Variants in ME3 observed in about 807,000 individuals in gnomAD.
The protein encoded by ME3 is NADP-dependent malic enzyme, mitochondrial.
In ME3, 48 loss-of-function variants were observed where a neutral mutation model predicts 68.9. The ratio of observed to expected loss-of-function variants is 0.70; its 90% CI spans 0.55 to 0.89. ME3 has a LOEUF of 0.89. Among genes scored for constraint, ME3 ranks in the 40% least tolerant of loss-of-function variants. ME3 has a pLI of 0.00. For missense variants in ME3, 675 were observed against 797.4 expected (o/e 0.85, Z 1.85); for synonymous variants, 320 against 318.8 (o/e 1.00, Z -0.04).
chr11:86,653,259 C>T (rs1945597289), intron 2 of ME3, among the ~76,000 whole-genome samples: 1 of 152,212 alleles, frequency 6.6e-6, no homozygotes, highest in Admixed American at 6.5e-5. Context: ...TAGATATCTA[C>T]AGAACTCTCC....
chr11:86,576,549 C>A (rs1020605703), intron 2 of ME3, among the ~76,000 whole-genome samples: 1 of 152,210 alleles, frequency 6.6e-6, no homozygotes, highest in Admixed American at 6.5e-5. Context: ...AAGCTCAGGG[C>A]AGATCAGCTC....
At chr11:86,630,252 C>A (rs1943927935) in intron 2 of ME3, among the ~76,000 whole-genome samples, 1 of 152,098 alleles carries the variant, frequency 6.6e-6, no homozygotes, top group African/African-American at 2.4e-5. Context: ...AAAAAGCAAG[C>A]AGCAGAAGCA....
intron 2 of ME3, among the ~76,000 whole-genome samples, chr11:86,648,605 C>A (rs1008045590): frequency 6.6e-6 from 1 of 151,840 alleles, no homozygotes; most frequent in African/African-American, 2.4e-5. Context: ...TTCTCCTTTT[C>A]TTCTTTATTA....
chr11:86,631,470 G>A (rs1013113853), intron 2 of ME3, among the ~76,000 whole-genome samples: 2 of 152,086 alleles, frequency 1.3e-5, no homozygotes, highest in Non-Finnish European at 2.9e-5. Flanking sequence ...TAAGAAAACC[G>A]TGGGCAATGA....
At chr11:86,464,215 C>T (rs1950365745) in intron 8 of ME3, 1 of 347,032 alleles carries the variant, frequency 2.9e-6, no homozygotes, top group African/African-American at 2.2e-5. Context: ...TGACATGGAT[C>T]TTTGATTTTT....
Position 86,498,201 on chromosome 11 carries a change from A to G in ME3, c.544-77T>C, listed in dbSNP as rs371048026. On this transcript the variant is annotated intron_variant, in intron 5 of 14. Transcript: ENST00000543262. ...GTGCTCATTTTAGCAGCCCCAGCCC[A>G]TCAGGCTTGGCGACTGGATGCCCAC... is the stretch of plus-strand genomic sequence containing the variant. The G allele has an allele frequency of 3.7e-4, 563 of 1,503,144 alleles. 1 individual carries two copies. The African/African-American group carries it at 4.6e-3, about 12-fold the overall frequency. The allele number at this position is 1,503,144 out of a possible 1,614,324, so 93.1% of individuals were successfully genotyped here. A position where few individuals can be genotyped will look rare whatever the true frequency, so the allele number is the denominator to read the frequency against.
At chr11:86,476,466 T>A (rs1035806757) in intron 7 of ME3, among the ~76,000 whole-genome samples, 7 of 152,178 alleles carry the variant, frequency 4.6e-5, no homozygotes, top group Non-Finnish European at 7.3e-5. Flanking sequence ...AGAGCAATTT[T>A]GCAGCTTTCT....
At chr11:86,550,170 G>T (rs943645085) in intron 4 of ME3, among the ~76,000 whole-genome samples, 5 of 152,130 alleles carry the variant, frequency 3.3e-5, no homozygotes, top group Admixed American at 2.6e-4. Context: ...CTGAGAATTG[G>T]TGCTCTAACT....
intron 13 of ME3, among the ~76,000 whole-genome samples, chr11:86,444,849 C>T (rs1035496824): frequency 2.6e-5 from 4 of 152,132 alleles, no homozygotes; most frequent in African/African-American, 9.7e-5. Context: ...ATATAACTTG[C>T]CAGGCCTTTG....
At chr11:86,666,205 C>A (rs1247130065) in intron 2 of ME3, among the ~76,000 whole-genome samples, 3 of 152,174 alleles carry the variant, frequency 2.0e-5, no homozygotes, top group Admixed American at 2.0e-4. Context: ...CAACTTCTGG[C>A]CAACTGAATG....
intron 2 of ME3, among the ~76,000 whole-genome samples, chr11:86,607,355 C>A (rs935606006): frequency 1.3e-5 from 2 of 152,074 alleles, no homozygotes; most frequent in African/African-American, 4.8e-5. Flanking sequence ...TTTTCCCTAA[C>A]CCCTTTCTCC....
At chr11:86,436,584 T>C (rs1267144846), downstream of ME3, 1 of 152,162 alleles carries the variant, frequency 6.6e-6, no homozygotes, top group Non-Finnish European at 1.5e-5. Context: ...TCAACCTAAG[T>C]CATAAAGATA....
chr11:86,468,921 C>G (rs1048243720), intron 7 of ME3, among the ~76,000 whole-genome samples: 8 of 152,142 alleles, frequency 5.3e-5, no homozygotes, highest in Non-Finnish European at 1.0e-4. Context: ...GAGAAGGAAT[C>G]TGGAGCTACA....
intron 2 of ME3, among the ~76,000 whole-genome samples, chr11:86,669,944 A>G (rs560186534): frequency 2.0e-4 from 30 of 152,154 alleles, no homozygotes; most frequent in Admixed American, 3.9e-4. Flanking sequence ...GTGGGAATTT[A>G]TTGTTTTGCT....
intron 7 of ME3, among the ~76,000 whole-genome samples, chr11:86,484,416 C>T (rs1255362400): frequency 1.3e-5 from 2 of 152,160 alleles, no homozygotes; most frequent in Non-Finnish European, 2.9e-5. Context: ...GAAACATCTG[C>T]TATAGCTTAT....
intron 7 of ME3, among the ~76,000 whole-genome samples, chr11:86,475,353 A>T (rs562420695): frequency 6.6e-6 from 1 of 152,074 alleles, no homozygotes; most frequent in Non-Finnish European, 1.5e-5. Context: ...TTCTGCCATG[A>T]TTGTAAGCTT....
exon 11 of ME3, chr11:86,448,203 T>G: frequency 6.2e-7 from 1 of 1,614,132 alleles, no homozygotes; most frequent in Non-Finnish European, 8.5e-7. Flanking sequence ...GGAGTTGACT[T>G]CAGGATGGTC....
intron 2 of ME3, among the ~76,000 whole-genome samples, chr11:86,631,086 G>A (rs988554445): frequency 1.3e-5 from 2 of 152,226 alleles, no homozygotes; most frequent in African/African-American, 4.8e-5. Context: ...ACAGGAGGTT[G>A]GAGGAACTGC....
intron 4 of ME3, among the ~76,000 whole-genome samples, chr11:86,545,961 C>T (rs1278137260): frequency 1.3e-5 from 2 of 152,174 alleles, no homozygotes; most frequent in Non-Finnish European, 2.9e-5. Context: ...GGTACTAAAA[C>T]AGACATATAG....
Sources: allele counts gnomAD v4.1 joint callset (sites outside exome capture counted in the v4.1 genomes callset), GRCh38; gene constraint gnomAD v4.1.1; transcripts MANE v1.5; gene names NCBI Gene and HGNC (gene_info 2026-07-23, HGNC 2026-07-21).